NLRC5: variants seen among roughly 807,000 people sequenced by gnomAD.
The protein encoded by NLRC5 is NLR family CARD domain containing 5.
Under a neutral mutation model 206.9 loss-of-function variants are expected in NLRC5, and 114 were observed. The observed-to-expected ratio is 0.55, with a 90% CI of 0.47 to 0.64. The LOEUF is 0.64. Ranked by LOEUF, NLRC5 falls within the 30% of genes least tolerant of loss-of-function variation. The pLI, the probability that NLRC5 is intolerant of heterozygous loss-of-function variation, is 0.00. For missense variants in NLRC5, 2,008 were observed against 2,305.5 expected (o/e 0.87, Z 2.64); for synonymous variants, 952 against 962.8 (o/e 0.99, Z 0.21).
Position 57,081,085 on chromosome 16 carries a change from C to T in NLRC5, c.5322-13C>T. On this transcript the variant is annotated splice_polypyrimidine_tract_variant and intron_variant, in intron 46 of 48. Coordinates refer to ENST00000688547, the MANE Select transcript of NLRC5 (RefSeq NM_001384950.1). The stretch of plus-strand genomic sequence containing the variant: ...GCTCTCCTGCCGCTGACTTTGGGAC[C>T]CCTACCCTGCAGGCTGTCCTGGAAT... 1 of 1,548,144 alleles carries T rather than the reference C, an allele frequency of 6.5e-7. No homozygotes were observed. Among genetic ancestry groups the T allele is most frequent in the Non-Finnish European group, 8.7e-7 (1 of 1,147,326 alleles).
At chr16:57,030,467 A>ATGGATGG (rs2061728412) in intron 10 of NLRC5, among the ~76,000 whole-genome samples, 3 of 19,524 alleles carry the variant, frequency 1.5e-4, no homozygotes, top group Admixed American at 7.1e-4. Context: ...TGGATGGATG[A>ATGGATGG]AAAGATGGAT....
chr16:57,047,794 G>T, intron 23 of NLRC5, 166 bp downstream of exon 23: 1 of 641,390 alleles, frequency 1.6e-6, no homozygotes, highest in South Asian at 1.8e-5. Flanking sequence ...GCTGTCTCTC[G>T]GCAGCCCCCA....
intron 5 of NLRC5, among the ~76,000 whole-genome samples, chr16:57,024,724 A>G (rs1184744373): frequency 1.3e-5 from 2 of 152,172 alleles, no homozygotes; most frequent in African/African-American, 2.4e-5. Context: ...AGATATTGCA[A>G]AGTAGCTGGG....
At position 57,045,505 on chromosome 16, in the gene NLRC5, C is replaced by T. The variant is rs374798917; in HGVS notation, c.3248+13C>T. ...ACAAGACAAGCAGGTGAGGAGGGAA[C>T]GCTCGGGGTGGGGGAGTCCCCTCCC... On this transcript the variant is annotated intron_variant, in intron 21 of 48. Transcript: ENST00000688547. The T allele has an allele frequency of 2.7e-5, 43 of 1,613,334 alleles. No individual in the cohort carries two copies. The highest frequency in any genetic ancestry group is 6.7e-5 in the African/African-American group (5 of 74,912).
intron 21 of NLRC5, among the ~76,000 whole-genome samples, chr16:57,045,728 G>A (rs2063861825): frequency 6.6e-6 from 1 of 152,238 alleles, no homozygotes; most frequent in African/African-American, 2.4e-5. Flanking sequence ...GGAAGGGAGG[G>A]ATATGGTTGG....
chr16:57,052,821 C>T (rs1447986636), intron 24 of NLRC5: 1 of 152,214 alleles, frequency 6.6e-6, no homozygotes, highest in Non-Finnish European at 1.5e-5. Flanking sequence ...GAAAGGACTC[C>T]TTTGGACATA....
intron 28 of NLRC5, 101 bp from the exon 29 acceptor site, chr16:57,058,871 T>C (rs1359405617): frequency 5.0e-6 from 5 of 1,002,018 alleles, no homozygotes; most frequent in African/African-American, 3.2e-5. Flanking sequence ...TGGAGGCTTC[T>C]CTTCTTGGAA....
intron 15 of NLRC5, 73 bp from the exon 16 acceptor site, chr16:57,039,708 C>A: frequency 7.3e-7 from 1 of 1,369,906 alleles, no homozygotes; most frequent in Non-Finnish European, 1.0e-6. Context: ...CAGACTGAGA[C>A]CTTCTCTCAA....
At chr16:57,082,360 A>G in intron 48 of NLRC5, 57 bp from the exon 49 acceptor site, 1 of 1,389,176 alleles carries the variant, frequency 7.2e-7, no homozygotes, top group Non-Finnish European at 1.0e-6. Context: ...CAATCTGCAG[A>G]TACGACAGAT....
In NLRC5 at chr16:57,026,677, C is replaced by A; in HGVS notation, c.1734C>A (p.Ser578Arg). 2 of 1,614,144 alleles carry A rather than the reference C, an allele frequency of 1.2e-6. No individual in the cohort carries two copies. The highest frequency in any genetic ancestry group is 1.7e-6 in the Non-Finnish European group (2 of 1,179,986). Reference protein sequence around the residue: ...LASCTCRPFLSHLAQGNEDCV... With the variant: ...LASCTCRPFLRHLAQGNEDCV... ...CCTGCACCTGCCGCCCCTTCCTTAG[C>A]CACCTGGCGCAGGGCAATGAGGACT... is the stretch of plus-strand genomic sequence containing the variant. The change falls in exon 6 of 49, where the codon AGC becomes AGA. Residue 578 changes from serine (S) to arginine (R), a missense_variant. Physicochemically the swap from Ser to Arg is moderately radical, Grantham distance 110. Coordinates refer to ENST00000688547, the MANE Select transcript of NLRC5 (RefSeq NM_001384950.1).
At position 57,074,639 on chromosome 16, in the gene NLRC5, G is replaced by T. The variant is rs2068136768; in HGVS notation, c.4707G>T (p.Leu1569Phe). 2 of 1,613,832 alleles carry T rather than the reference G, an allele frequency of 1.2e-6. No homozygotes were observed. The highest frequency in any genetic ancestry group is 1.3e-5 in the African/African-American group (1 of 74,918). ...TGCTGAACAGCTCCACCTTGGCCTT[G>T]CTTACTCACAGACTAAGCCAGATGA... Reference protein sequence around the residue: ...HLLLNSSTLALLTHRLSQMTC... With the variant: ...HLLLNSSTLAFLTHRLSQMTC... The change falls in exon 39 of 49, where the codon TTG (leucine) becomes TTT (phenylalanine). Residue 1569 changes from leucine to phenylalanine, a missense_variant. Leu to Phe is a conservative substitution (Grantham distance 22). Transcript: ENST00000688547.
chr16:57,078,096 C>A, intron 43 of NLRC5, 76 bp downstream of exon 43: 1 of 1,247,588 alleles, frequency 8.0e-7, no homozygotes, highest in Non-Finnish European at 1.1e-6. Flanking sequence ...GGGTCCAGGC[C>A]CCCATCAGTT....
chr16:57,079,486 C>A, intron 45 of NLRC5, 60 bp from the exon 46 acceptor site: 1 of 1,491,316 alleles, frequency 6.7e-7, no homozygotes, highest in Non-Finnish European at 9.4e-7. Flanking sequence ...GAGGCAGGAC[C>A]TGCTAGATCC....
At chr16:56,999,708 G>A (rs2058036647) in intron 1 of NLRC5, among the ~76,000 whole-genome samples, 1 of 152,278 alleles carries the variant, frequency 6.6e-6, no homozygotes, top group Non-Finnish European at 1.5e-5. Context: ...CTGAGTGTTG[G>A]TTATGGGGAG....
chr16:57,060,454 C>T lies in NLRC5; in HGVS notation c.3986+922C>T, dbSNP rs115916706. The stretch of plus-strand genomic sequence containing the variant: ...CACAGCACGCAGCACACACAACACA[C>T]GCACACCACACAGCACACACAACAC... On this transcript the variant is annotated intron_variant, in intron 30 of 48. Coordinates refer to ENST00000688547, the MANE Select transcript of NLRC5 (RefSeq NM_001384950.1). 2.3e-3 allele frequency among the ~76,000 whole-genome samples: 355 copies of T among 151,632 alleles called. 4 individuals are homozygous for T. The highest frequency in any genetic ancestry group is 8.2e-3 in the African/African-American group (339 of 41,316).
intron 36 of NLRC5, among the ~76,000 whole-genome samples, chr16:57,069,587 G>T (rs1315908514): frequency 6.6e-6 from 1 of 152,220 alleles, no homozygotes; most frequent in Non-Finnish European, 1.5e-5. Flanking sequence ...CCTAATCCTG[G>T]CTTAAGTTGT....
At chr16:57,042,371 T>TGG (rs1176943830) in intron 19 of NLRC5, among the ~76,000 whole-genome samples, 4 of 152,112 alleles carry the variant, frequency 2.6e-5, no homozygotes, top group African/African-American at 9.7e-5. Flanking sequence ...GACTAACGGC[T>TGG]GGCAGTTGTT....
At chr16:57,069,184 A>G (rs1212727288) in intron 36 of NLRC5, among the ~76,000 whole-genome samples, 2 of 152,230 alleles carry the variant, frequency 1.3e-5, no homozygotes, top group Admixed American at 1.3e-4. Context: ...TCAAACTCTC[A>G]TTGGCAAATT....
At position 57,065,347 on chromosome 16, in the gene NLRC5, A is replaced by G. The variant is rs765703471; in HGVS notation, c.4241+49A>G. 12 of 1,356,212 alleles carry G rather than the reference A, an allele frequency of 8.8e-6. No individual in the cohort carries two copies. The South Asian group carries it at 9.8e-5, about 11-fold the overall frequency. 84.0% of individuals were successfully genotyped at this position (1,356,212 alleles called of 1,614,324 possible). ...TTGGAATTCTTCATCTTTCATAAGC[A>G]TTGGGACTTTTCCTTGACCTTCCCT... On this transcript the variant is annotated intron_variant, in intron 33 of 48. Coordinates refer to ENST00000688547, the MANE Select transcript of NLRC5 (RefSeq NM_001384950.1).
Sources: gnomAD v4.1 joint callset for allele counts (sites outside exome capture counted in the v4.1 genomes callset) on GRCh38, gnomAD v4.1.1 for gene constraint, MANE v1.5 for transcripts, NCBI Gene and HGNC (gene_info 2026-07-23, HGNC 2026-07-21) for gene names.